The following FDFT1 variants were observed in gnomAD, a reference collection of about 807,000 sequenced individuals.
FDFT1 encodes squalene synthase.
FDFT1 carries 68 observed loss-of-function variants against 46.8 expected under a neutral mutation model. That is an observed-to-expected ratio of 1.45 (90% CI 1.19 to 1.78). The LOEUF is 1.78. FDFT1 is among the 40% of genes most tolerant of loss of function. The pLI is 0.00. For synonymous variants in FDFT1, 351 were observed against 185.1 expected, an observed-to-expected ratio of 1.90 and a Z score of -7.28; for missense variants, 928 against 524.4, an observed-to-expected ratio of 1.77 and a Z score of -7.52.
At chr8:11,810,256 G>A (rs1436028928) in intron 3 of FDFT1, among the ~76,000 whole-genome samples, 1 of 152,202 alleles carries the variant, frequency 6.6e-6, no homozygotes, top group African/African-American at 2.4e-5. Flanking sequence ...TTAGTGTTGT[G>A]AAAGATTCTC....
chr8:11,802,609 C>G (rs941330472), upstream of FDFT1: 58 of 597,152 alleles, frequency 9.7e-5, no homozygotes, highest in Non-Finnish European at 1.4e-4. Context: ...GCGGCCCTGG[C>G]CAATCAGCGC....
At chr8:11,820,355 G>A (rs1481131817) in intron 3 of FDFT1, among the ~76,000 whole-genome samples, 4 of 152,210 alleles carry the variant, frequency 2.6e-5, no homozygotes, top group Admixed American at 6.5e-5. Context: ...CAAATGCCGA[G>A]CTGGGAGAAC....
chr8:11,798,311 T>C (rs2686191), upstream of FDFT1, among the ~76,000 whole-genome samples: 151,434 of 152,270 alleles, frequency 0.99, 75,311 homozygotes, highest in Middle Eastern at 1. Flanking sequence ...CCGCCTGCAT[T>C]GGTCTTCCCA....
At chr8:11,814,566 G>A (rs1372440719) in intron 3 of FDFT1, among the ~76,000 whole-genome samples, 2 of 152,034 alleles carry the variant, frequency 1.3e-5, no homozygotes, top group African/African-American at 2.4e-5. Flanking sequence ...GACTTCCCAT[G>A]GTGTTTTTGT....
intron 4 of FDFT1, among the ~76,000 whole-genome samples, chr8:11,824,374 A>AG (rs1202861273): frequency 1.3e-5 from 2 of 152,214 alleles, no homozygotes; most frequent in Admixed American, 6.5e-5. Context: ...CTGTTGAGAG[A>AG]GGGGAAGTTA....
chr8:11,824,750 T>C (rs1809729853), intron 4 of FDFT1, among the ~76,000 whole-genome samples: 1 of 152,068 alleles, frequency 6.6e-6, no homozygotes, highest in Admixed American at 6.5e-5. Flanking sequence ...GTTGTTGTTG[T>C]TTTGAGACGG....
intron 5 of FDFT1, among the ~76,000 whole-genome samples, chr8:11,827,364 A>G (rs1222056790): frequency 6.6e-6 from 1 of 152,206 alleles, no homozygotes; most frequent in African/African-American, 2.4e-5. Context: ...ACTAAATTTA[A>G]AAGATTAACT....
intron 1 of FDFT1, among the ~76,000 whole-genome samples, chr8:11,804,072 G>A (rs551719806): frequency 6.6e-6 from 1 of 152,322 alleles, no homozygotes; most frequent in East Asian, 1.9e-4. Flanking sequence ...ATATCAGATA[G>A]TGTTCTAGGT....
chr8:11,831,812 A>G, intron 7 of FDFT1, 142 bp downstream of exon 7: 8 of 733,866 alleles, frequency 1.1e-5, no homozygotes, highest in Non-Finnish European at 1.8e-5. Context: ...GATATCCTTT[A>G]TAAGGAAAAA....
intron 5 of FDFT1, among the ~76,000 whole-genome samples, chr8:11,829,378 A>G (rs1189405766): frequency 2.0e-5 from 3 of 152,222 alleles, no homozygotes; most frequent in African/African-American, 4.8e-5. Flanking sequence ...TCCCACTGTT[A>G]GAATTAAAGG....
chr8:11,808,446 C>T (rs1380133529), intron 1 of FDFT1: 12 of 1,271,066 alleles, frequency 9.4e-6, no homozygotes, highest in South Asian at 9.2e-5. Flanking sequence ...GAGCCCGTCC[C>T]GCCCCTCGTC....
Position 11,814,830 on chromosome 8 carries a change from A to G in FDFT1, c.381+4980A>G, listed in dbSNP as rs1048346642. On this transcript the variant is annotated intron_variant, in intron 3 of 7. Transcript: ENST00000220584. ...GATAAAATGGTTGGCAGATCTGCTC[A>G]CTAGAATCTAAGCTCTTCAAGGGTC... is the stretch of plus-strand genomic sequence containing the variant. Among the ~76,000 whole-genome samples the G allele has an allele frequency of 2.6e-5, 4 of 152,192 alleles. 1 individual carries two copies. The highest frequency in any genetic ancestry group is 2.6e-4 in the Admixed American group (4 of 15,268).
In FDFT1 at chr8:11,821,749, G is replaced by C. The variant is rs960548902; in HGVS notation, c.382-1G>C. 2 of 1,612,912 alleles carry C rather than the reference G, an allele frequency of 1.2e-6. No individual in the cohort carries two copies. The highest frequency in any genetic ancestry group is 1.7e-4 in the Middle Eastern group (1 of 6,052). ...CTGTGTTTTTACGGTTTCCATTTCA[G>C]ATCTCCCTTGAGTTTAGAAATCTGG... is the stretch of plus-strand genomic sequence containing the variant. On this transcript the variant is annotated splice_acceptor_variant, in intron 3 of 7. Transcript: ENST00000220584. LOFTEE classifies it high-confidence loss of function.
Position 11,838,704 on chromosome 8 carries a change from ACTT to A in FDFT1, c.*96_*98del. On this transcript the variant is annotated 3_prime_UTR_variant, in exon 8 of 8. Coordinates refer to ENST00000220584, the MANE Select transcript of FDFT1 (RefSeq NM_004462.5). The stretch of plus-strand genomic sequence containing the variant: ...GTGTTCTCTTTATTTTTTTCCTACT[ACTT>A]TAATCCCTAAAAGAACGCTGTGTGG... 2.0e-6 allele frequency: 2 copies of A among 982,576 alleles called. No homozygotes were observed. The highest frequency in any genetic ancestry group is 3.2e-6 in the Non-Finnish European group (2 of 625,492). The allele number at this position is 982,576 out of a possible 1,614,324, so 60.9% of individuals were successfully genotyped here.
At chr8:11,832,567 A>AAAAAAAAAAG (rs1810959371) in intron 7 of FDFT1, among the ~76,000 whole-genome samples, 1 of 149,048 alleles carries the variant, frequency 6.7e-6, no homozygotes, top group Non-Finnish European at 1.5e-5. Context: ...AAAAAAAAAA[A>AAAAAAAAAAG]AAAAAAAAAG....
upstream of FDFT1, chr8:11,802,565 C>A (rs937332130): frequency 3.3e-6 from 2 of 608,358 alleles, no homozygotes; most frequent in Non-Finnish European, 6.2e-6. Flanking sequence ...CAGTCTCCTT[C>A]CGCGACTGAT....
In FDFT1 at chr8:11,806,938, A is replaced by G. The variant is rs187281416; in HGVS notation, c.100-1856A>G. Among the ~76,000 whole-genome samples, 20 of 152,230 alleles carry G rather than the reference A, an allele frequency of 1.3e-4. No individual in the cohort carries two copies. In the East Asian group the frequency reaches 2.1e-3, roughly 16 times the overall value. ...ATACTTGTTTTTACTAATATTTTTT[A>G]TGGCAATAAAATGACTTTTTCAGGA... On this transcript the variant is annotated intron_variant, in intron 1 of 7. Coordinates refer to ENST00000220584, the MANE Select transcript of FDFT1 (RefSeq NM_004462.5).
intron 4 of FDFT1, among the ~76,000 whole-genome samples, chr8:11,823,464 A>G (rs1809534610): frequency 6.6e-6 from 1 of 152,042 alleles, no homozygotes; most frequent in East Asian, 1.9e-4. Context: ...TTTCAGCAAG[A>G]TTTCACTCTT....
In FDFT1 at chr8:11,838,396, T is replaced by C; in HGVS notation, c.1041T>C (p.His347=). ...TCCTGTGTCTTTAACAGATTTATCA[T>C]AGAATCCCCGACTCAGACCCATCTT... ...IIYQYMEEIY[H]RIPDSDPSSS... is the part of the protein sequence containing the mutation. Residue 347 remains histidine, a synonymous_variant, in exon 8 of 8, where the codon CAT becomes CAC. Coordinates refer to ENST00000220584, the MANE Select transcript of FDFT1 (RefSeq NM_004462.5). The C allele has an allele frequency of 1.2e-6, 2 of 1,613,458 alleles. No homozygotes were observed. Among genetic ancestry groups the C allele is most frequent in the South Asian group, 1.1e-5 (1 of 91,060 alleles).
Sources: gnomAD v4.1 joint callset for allele counts (sites outside exome capture counted in the v4.1 genomes callset) on GRCh38, gnomAD v4.1.1 for gene constraint, MANE v1.5 for transcripts, NCBI Gene and HGNC (gene_info 2026-07-23, HGNC 2026-07-21) for gene names.